HYAL3: variants seen among roughly 807,000 people sequenced by gnomAD.
HYAL3 encodes the protein hyaluronidase-3.
Under a neutral mutation model 29.6 loss-of-function variants are expected in HYAL3, and 25 were observed. The observed-to-expected ratio is 0.85, with a 90% CI of 0.62 to 1.18. The LOEUF (loss-of-function observed/expected upper bound fraction) is 1.18, where lower values mean the gene tolerates loss of function less well. Among genes scored for constraint, HYAL3 ranks in the 50% most tolerant of loss-of-function variants. HYAL3 has a pLI of 0.00. For synonymous variants in HYAL3, 215 were observed against 218.3 expected (o/e 0.99, Z 0.13); for missense variants, 442 against 548.4 (o/e 0.81, Z 1.94).
Position 50,297,802 on chromosome 3 carries a change from C to G in HYAL3, c.-18+1411G>C. 1 of 1,192,912 alleles carries G rather than the reference C, an allele frequency of 8.4e-7. No individual in the cohort carries two copies. Among genetic ancestry groups the G allele is most frequent in the South Asian group, 3.2e-5 (1 of 31,710 alleles). 73.9% of individuals were successfully genotyped at this position (1,192,912 alleles called of 1,614,324 possible). On this transcript the variant is annotated intron_variant, in intron 1 of 3. Transcript: ENST00000336307. The surrounding 1 kb of genome is among the most constrained non-coding windows in gnomAD (Gnocchi z 4.3). The stretch of plus-strand genomic sequence containing the variant: ...GTGGTGGGCTGCACTTTGTCCCACA[C>G]TCACCTGATAGCACAGGTGACCTGG...
chr3:50,295,513 G>A lies in HYAL3; in HGVS notation c.90C>T (p.Pro30=), dbSNP rs1444223519. 1.2e-5 allele frequency: 19 copies of A among 1,599,460 alleles called. No individual in the cohort carries two copies. Among genetic ancestry groups the A allele is most frequent in the Non-Finnish European group, 1.6e-5 (19 of 1,172,252 alleles). ...GQPLPQVPER[P]FSVLWNVPSA... ...AGGGTACATTCCACAGCACAGAGAA[G>A]GGGCGTTCAGGGACCTGTGGTAGGG... The change falls in exon 2 of 4, where the codon CCC becomes CCT. Residue 30 remains proline (P), a synonymous_variant. Transcript: ENST00000336307.
In HYAL3 at chr3:50,295,076, G is replaced by T. The variant is rs370688249; in HGVS notation, c.527C>A (p.Ala176Glu). 6.2e-7 allele frequency: 1 copy of T among 1,613,172 alleles called. No homozygotes were observed. Among genetic ancestry groups the T allele is most frequent in the Non-Finnish European group, 8.5e-7 (1 of 1,179,680 alleles). The change falls in exon 2 of 4, where the codon GCG becomes GAG. Residue 176 changes from alanine to glutamate, a missense_variant. Coordinates refer to ENST00000336307, the MANE Select transcript of HYAL3 (RefSeq NM_003549.4). ...CGTATCCTCCATCAGTGCACGGGCC[G>T]CCTGCTCAAAGCCAGTATAGGCCTT... ...LYKAYTGFEQAARALMEDTLR... is the reference protein window; with the variant it reads ...LYKAYTGFEQEARALMEDTLR...
rs1553710777 is a variant in HYAL3 at position 50,294,989 on chromosome 3, C to T, written c.614G>A (p.Cys205Tyr). 1 of 1,613,338 alleles carries T rather than the reference C, an allele frequency of 6.2e-7. No homozygotes were observed. The highest frequency in any genetic ancestry group is 2.2e-5 in the East Asian group (1 of 44,886). Residue 205 changes from cysteine to tyrosine, a missense_variant, in exon 2 of 4, where the codon TGT (cysteine) becomes TAT (tyrosine). Physicochemically the swap from Cys to Tyr is radical, Grantham distance 194 (BLOSUM62 -2). Coordinates refer to ENST00000336307, the MANE Select transcript of HYAL3 (RefSeq NM_003549.4). ...AGCCATACTATGCCAGCCATTGCCACAGGCTGGGTAGTGATAGAAGCCCCA... is the reference window on the plus strand; with the variant it reads ...AGCCATACTATGCCAGCCATTGCCATAGGCTGGGTAGTGATAGAAGCCCCA... ...GLWGFYHYPACGNGWHSMASN... is the reference protein window; with the variant it reads ...GLWGFYHYPAYGNGWHSMASN...
intron 1 of HYAL3, among the ~76,000 whole-genome samples, chr3:50,298,279 C>A (rs1477117242): frequency 6.6e-6 from 1 of 152,136 alleles, no homozygotes; most frequent in African/African-American, 2.4e-5. Context: ...TGGGGCCCCA[C>A]TCATGCACCC....
At position 50,297,800 on chromosome 3, in the gene HYAL3, C is replaced by T; in HGVS notation, c.-18+1413G>A. On this transcript the variant is annotated intron_variant, in intron 1 of 3. Coordinates refer to ENST00000336307, the MANE Select transcript of HYAL3 (RefSeq NM_003549.4). This position sits in a 1 kb window ranked among gnomAD's most constrained non-coding sequence, Gnocchi z 4.3. ...GAGTGGTGGGCTGCACTTTGTCCCACACTCACCTGATAGCACAGGTGACCT... is the reference window on the plus strand; with the variant it reads ...GAGTGGTGGGCTGCACTTTGTCCCATACTCACCTGATAGCACAGGTGACCT... 1.7e-6 allele frequency: 2 copies of T among 1,198,208 alleles called. No homozygotes were observed. Among genetic ancestry groups the T allele is most frequent in the Non-Finnish European group, 1.0e-6 (1 of 964,568 alleles). The allele number at this position is 1,198,208 out of a possible 1,614,324, so 74.2% of individuals were successfully genotyped here.
chr3:50,298,473 G>C (rs782361923), intron 1 of HYAL3, among the ~76,000 whole-genome samples: 6 of 151,580 alleles, frequency 4.0e-5, no homozygotes, highest in African/African-American at 7.3e-5. Flanking sequence ...CTGCAGGCTT[G>C]GTTCCCCACT....
chr3:50,297,380 G>T lies in HYAL3; in HGVS notation c.-17-1761C>A. 1 of 1,613,388 alleles carries T rather than the reference G, an allele frequency of 6.2e-7. No individual in the cohort carries two copies. The highest frequency in any genetic ancestry group is 8.5e-7 in the Non-Finnish European group (1 of 1,179,688). Reference sequence around the variant, plus strand: ...CAGGATTGAAGGTCATCTCTGGTTGGCATGTGGAATCCAGGGGCAGCTTTG... The same window carrying T: ...CAGGATTGAAGGTCATCTCTGGTTGTCATGTGGAATCCAGGGGCAGCTTTG... On this transcript the variant is annotated intron_variant, in intron 1 of 3. Transcript: ENST00000336307. The surrounding 1 kb of genome is among the most constrained non-coding windows in gnomAD (Gnocchi z 4.3).
At chr3:50,295,963 A>G (rs1252432970) in intron 1 of HYAL3, among the ~76,000 whole-genome samples, 1 of 152,092 alleles carries the variant, frequency 6.6e-6, no homozygotes, top group African/African-American at 2.4e-5. Context: ...CCCTCTTCCA[A>G]GAACAGTCAG....
In HYAL3 at chr3:50,293,042, G is replaced by C; in HGVS notation, c.*204C>G. ...TCCCTGGAACTGCTTCCTTGCCATG[G>C]AGGACTCACATGATCTCAGAGGGCC... is the stretch of plus-strand genomic sequence containing the variant. On this transcript the variant is annotated 3_prime_UTR_variant, in exon 4 of 4. Coordinates refer to ENST00000336307, the MANE Select transcript of HYAL3 (RefSeq NM_003549.4). The C allele has an allele frequency of 2.1e-6, 3 of 1,452,432 alleles. No individual in the cohort carries two copies. Among genetic ancestry groups the C allele is most frequent in the Non-Finnish European group, 2.8e-6 (3 of 1,053,248 alleles). The allele number at this position is 1,452,432 out of a possible 1,614,324, so 90.0% of individuals were successfully genotyped here. A position where few individuals can be genotyped will look rare whatever the true frequency, so the allele number is the denominator to read the frequency against.
At position 50,297,750 on chromosome 3, in the gene HYAL3, G is replaced by A. The variant is rs911858001; in HGVS notation, c.-18+1463C>T. The A allele has an allele frequency of 4.6e-6, 6 of 1,314,682 alleles. No homozygotes were observed. The South Asian group carries it at 1.1e-4, about 24-fold the overall frequency. 81.4% of individuals were successfully genotyped at this position (1,314,682 alleles called of 1,614,324 possible). A position where few individuals can be genotyped will look rare whatever the true frequency, so the allele number is the denominator to read the frequency against. Reference sequence around the variant, plus strand: ...CAGGGAAGGGCTGACAGAGTGCAGGGGGGACCATGCATACTGGAACTGGGG... The same window carrying A: ...CAGGGAAGGGCTGACAGAGTGCAGGAGGGACCATGCATACTGGAACTGGGG... On this transcript the variant is annotated intron_variant, in intron 1 of 3. Coordinates refer to ENST00000336307, the MANE Select transcript of HYAL3 (RefSeq NM_003549.4). This position sits in a 1 kb window ranked among gnomAD's most constrained non-coding sequence, Gnocchi z 4.3.
In HYAL3 at chr3:50,292,832, C is replaced by T. The variant is rs1291543690; in HGVS notation, c.*414G>A. ...ACAGGAGCAACAGCCAAACCTCAGG[C>T]AGTGGAAAAAAGTGACTTTATGATG... On this transcript the variant is annotated 3_prime_UTR_variant, in exon 4 of 4. Transcript: ENST00000336307. 6.6e-7 allele frequency: 1 copy of T among 1,506,998 alleles called. No individual in the cohort carries two copies. The highest frequency in any genetic ancestry group is 8.9e-7 in the Non-Finnish European group (1 of 1,121,720). 93.4% of individuals were successfully genotyped at this position (1,506,998 alleles called of 1,614,324 possible). A position where few individuals can be genotyped will look rare whatever the true frequency, so the allele number is the denominator to read the frequency against.
Position 50,297,670 on chromosome 3 carries a change from C to A in HYAL3, c.-18+1543G>T. On this transcript the variant is annotated intron_variant, in intron 1 of 3. Transcript: ENST00000336307. The surrounding 1 kb of genome is among the most constrained non-coding windows in gnomAD (Gnocchi z 4.3). ...ATCTCTTCAGACCACAGTGGCTCTC[C>A]TCCTGTAGATAACAGCCATGCTGGG... The A allele has an allele frequency of 7.2e-7, 1 of 1,397,224 alleles. No individual in the cohort carries two copies. The allele number at this position is 1,397,224 out of a possible 1,614,324, so 86.6% of individuals were successfully genotyped here.
chr3:50,297,028 C>T lies in HYAL3; in HGVS notation c.-17-1409G>A, dbSNP rs1189117653. ...CGGCCAAAGCCACGGCCCCTCAGGG[C>T]CCGGGCCACCACCACTGTCTCCACT... On this transcript the variant is annotated intron_variant, in intron 1 of 3. Coordinates refer to ENST00000336307, the MANE Select transcript of HYAL3 (RefSeq NM_003549.4). The surrounding 1 kb of genome is among the most constrained non-coding windows in gnomAD (Gnocchi z 4.3). 4 of 1,540,904 alleles carry T rather than the reference C, an allele frequency of 2.6e-6. No homozygotes were observed. The highest frequency in any genetic ancestry group is 1.7e-6 in the Non-Finnish European group (2 of 1,147,328).
At position 50,295,220 on chromosome 3, in the gene HYAL3, C is replaced by A. The variant is rs1701794426; in HGVS notation, c.383G>T (p.Trp128Leu). 2 of 1,613,606 alleles carry A rather than the reference C, an allele frequency of 1.2e-6. No individual in the cohort carries two copies. Among genetic ancestry groups the A allele is most frequent in the African/African-American group, 1.3e-5 (1 of 74,954 alleles). The change falls in exon 2 of 4, where the codon TGG (tryptophan) becomes TTG (leucine). Residue 128 changes from tryptophan to leucine, a missense_variant. Coordinates refer to ENST00000336307, the MANE Select transcript of HYAL3 (RefSeq NM_003549.4). ...AGCCCAGAGTGGACACCACTCCTCC[C>A]AATCCAGCACTGCTGGGCCAGCAAA... ...PGFAGPAVLD[W>L]EEWCPLWAGN...
intron 1 of HYAL3, 190 bp from the exon 2 acceptor site, chr3:50,295,809 G>GTC: frequency 1.7e-6 from 1 of 572,712 alleles, no homozygotes; most frequent in South Asian, 2.9e-5. Context: ...ATGATGCCCC[G>GTC]GGCATCGAGT....
At position 50,297,562 on chromosome 3, in the gene HYAL3, TG is replaced by T. The variant is rs781998672; in HGVS notation, c.-18+1650del. On this transcript the variant is annotated intron_variant, in intron 1 of 3. Transcript: ENST00000336307. This position sits in a 1 kb window ranked among gnomAD's most constrained non-coding sequence, Gnocchi z 4.3. ...GGATCCAGGTTCAGCTGAGTCAGGC[TG>T]GGAGCCAAGGTCACCTGCTGCTAGG... 2.5e-5 allele frequency: 38 copies of T among 1,500,650 alleles called. No individual in the cohort carries two copies. In the South Asian group the frequency reaches 4.8e-4, roughly 19 times the overall value. 93.0% of individuals were successfully genotyped at this position (1,500,650 alleles called of 1,614,324 possible).
At chr3:50,293,834 A>T (rs1701749983) in intron 2 of HYAL3, 113 bp from the exon 3 acceptor site, 3 of 945,810 alleles carry the variant, frequency 3.2e-6, no homozygotes, top group Non-Finnish European at 1.7e-6. Flanking sequence ...CTAACTCTAC[A>T]GTAGGGACTC....
chr3:50,293,214 GA>G lies in HYAL3; in HGVS notation c.*31del. Reference sequence around the variant, plus strand: ...CCAGGACTGGAAAAGTGGCAGCAGGGAAAAGAAGAGGCAGTGGCAGGGGCCC... The same window carrying G: ...CCAGGACTGGAAAAGTGGCAGCAGGGAAAGAAGAGGCAGTGGCAGGGGCCC... On this transcript the variant is annotated 3_prime_UTR_variant, in exon 4 of 4. Transcript: ENST00000336307. 1 of 1,612,880 alleles carries G rather than the reference GA, an allele frequency of 6.2e-7. No individual in the cohort carries two copies. The highest frequency in any genetic ancestry group is 1.7e-5 in the Admixed American group (1 of 60,032).
Position 50,299,396 on chromosome 3 carries a change from C to A in HYAL3, c.-201G>T, listed in dbSNP as rs587640941. 2.2e-6 allele frequency: 3 copies of A among 1,383,594 alleles called. No homozygotes were observed. In the African/African-American group the frequency reaches 4.3e-5, roughly 20 times the overall value. 85.7% of individuals were successfully genotyped at this position (1,383,594 alleles called of 1,614,324 possible). The stretch of plus-strand genomic sequence containing the variant: ...CTAAGGCCTCCCAGCACCCGCGCGT[C>A]GCCGCTTAGAACCCGCCCCTGGTTT... On this transcript the variant is annotated 5_prime_UTR_variant, in exon 1 of 4. Coordinates refer to ENST00000336307, the MANE Select transcript of HYAL3 (RefSeq NM_003549.4).
Sources: allele counts gnomAD v4.1 joint callset (sites outside exome capture counted in the v4.1 genomes callset), GRCh38; gene constraint gnomAD v4.1.1; non-coding constraint Gnocchi (gnomAD v3.1); transcripts MANE v1.5; gene names NCBI Gene and HGNC (gene_info 2026-07-23, HGNC 2026-07-21).